COL16A1: variants seen among roughly 807,000 people sequenced by gnomAD.
COL16A1 encodes the protein collagen alpha-1(XVI) chain.
A neutral mutation model predicts 266.3 loss-of-function variants in COL16A1; 189 were observed. The ratio of observed to expected loss-of-function variants is 0.71; its 90% CI spans 0.63 to 0.80. The LOEUF (loss-of-function observed/expected upper bound fraction) is 0.80, where lower values mean the gene tolerates loss of function less well. Among genes scored for constraint, COL16A1 ranks in the 30% least tolerant of loss-of-function variants. The pLI, the probability that COL16A1 is intolerant of heterozygous loss-of-function variation, is 0.00. For missense variants in COL16A1, 1,928 were observed against 2,122.4 expected, an observed-to-expected ratio of 0.91 and a Z score of 1.80; for synonymous variants, 740 against 782.3, an observed-to-expected ratio of 0.95 and a Z score of 0.90.
chr1:31,662,312 C>T, intron 58 of COL16A1, 22 bp downstream of exon 58: 3 of 1,606,902 alleles, frequency 1.9e-6, no homozygotes, highest in Non-Finnish European at 2.5e-6. Flanking sequence ...GGGGTGCCCG[C>T]CCTCCCAGCC....
At position 31,684,132 on chromosome 1, in the gene COL16A1, C is replaced by T. The variant is rs767595872; in HGVS notation, c.2260G>A (p.Gly754Ser). ...ACGGGTTTACCAGGTCGGCCCACGC[C>T]TTCGGGGCCCTGCTCTCCTTTGGGG... ...PGPKGEQGPE[G>S]VGRPGKPGQP... The change falls in exon 32 of 71, where the codon GGC becomes AGC. Residue 754 changes from glycine to serine, a missense_variant. Physicochemically the swap from Gly to Ser is moderately conservative, Grantham distance 56 (BLOSUM62 0). Coordinates refer to ENST00000373672, the MANE Select transcript of COL16A1 (RefSeq NM_001856.4). 6 of 1,561,662 alleles carry T rather than the reference C, an allele frequency of 3.8e-6. No homozygotes were observed. The South Asian group carries it at 5.9e-5, about 15-fold the overall frequency.
At position 31,668,812 on chromosome 1, in the gene COL16A1, T is replaced by G; in HGVS notation, c.3239A>C (p.Lys1080Thr). The change falls in exon 50 of 71, where the codon AAG (lysine) becomes ACG (threonine). Residue 1080 changes from lysine (K) to threonine (T), a missense_variant. Coordinates refer to ENST00000373672, the MANE Select transcript of COL16A1 (RefSeq NM_001856.4). The surrounding 1 kb of genome is among the most constrained non-coding windows in gnomAD (Gnocchi z 5.8). ...CCAGCTTCTTCTTACCGGCTCCCCC[T>G]TGTCTCCAGTCAGGCCCGTGAGACC... The part of the protein sequence containing the change: ...ERGLTGLTGD[K>T]GEPGPPGQPG... The G allele has an allele frequency of 6.2e-7, 1 of 1,613,862 alleles. No individual in the cohort carries two copies. The highest frequency in any genetic ancestry group is 8.5e-7 in the Non-Finnish European group (1 of 1,179,942).
rs145413081 is a variant in COL16A1 at position 31,684,882 on chromosome 1, C to T, written c.2017-26G>A. 1,244 of 1,613,120 alleles carry T rather than the reference C, an allele frequency of 7.7e-4. 7 individuals carry two copies. The East Asian group carries it at 0.018, about 23-fold the overall frequency. ...CTGAGGAGAAAGCATTTCCAGCACC[C>T]GCTCACTCATACCAGCCACCCCAAA... is the stretch of plus-strand genomic sequence containing the variant. On this transcript the variant is annotated intron_variant, in intron 29 of 70. Coordinates refer to ENST00000373672, the MANE Select transcript of COL16A1 (RefSeq NM_001856.4).
Position 31,662,323 on chromosome 1 carries a change from CATCATCT to C in COL16A1, c.3681+4_3681+10del. On this transcript the variant is annotated splice_donor_5th_base_variant and intron_variant, in intron 58 of 70. Transcript: ENST00000373672. ...GGAAGGGGTGCCCGCCCTCCCAGCC[CATCATCT>C]CACCCTCAAGCCAGGCTTGCCGTCC... 1 of 1,609,386 alleles carries C rather than the reference CATCATCT, an allele frequency of 6.2e-7. No individual in the cohort carries two copies. Among genetic ancestry groups the C allele is most frequent in the Non-Finnish European group, 8.5e-7 (1 of 1,177,534 alleles).
intron 9 of COL16A1, 57 bp downstream of exon 9, chr1:31,696,031 G>A: frequency 6.7e-7 from 1 of 1,482,010 alleles, no homozygotes; most frequent in Non-Finnish European, 9.4e-7. Context: ...GGGGTTTACA[G>A]GGGCACAGAG....
At chr1:31,692,350 A>C (rs1015103961) in intron 16 of COL16A1, 124 bp downstream of exon 16, 2 of 1,427,478 alleles carry the variant, frequency 1.4e-6, no homozygotes, top group African/African-American at 1.4e-5. Flanking sequence ...TGGGGGAGGG[A>C]GGGTCCTGCC....
At chr1:31,675,099 G>A in intron 43 of COL16A1, 60 bp from the exon 44 acceptor site, 3 of 1,611,874 alleles carry the variant, frequency 1.9e-6, no homozygotes, top group Non-Finnish European at 2.5e-6. Flanking sequence ...GAGACTTATG[G>A]GATCAGGGAG....
intron 1 of COL16A1, among the ~76,000 whole-genome samples, chr1:31,702,874 C>T (rs563916049): frequency 1.6e-4 from 25 of 152,124 alleles, no homozygotes; most frequent in Non-Finnish European, 3.1e-4. Context: ...CAGCCACCCC[C>T]GCCCCCAGCT....
chr1:31,682,238 A>G (rs1270089650), intron 37 of COL16A1, among the ~76,000 whole-genome samples: 3 of 152,186 alleles, frequency 2.0e-5, no homozygotes, highest in African/African-American at 7.2e-5. Context: ...TAATCCGTGC[A>G]ATTTGTTCAA....
rs758622695 is a variant in COL16A1, at chr1:31,683,704, C to T, written c.2379+3G>A. ...ACAGGCAAAGGCAGGGCTAGAGACT[C>T]ACCTGGGGTCCCTGGACTCCCCTTC... is the stretch of plus-strand genomic sequence containing the variant. On this transcript the variant is annotated splice_donor_region_variant and intron_variant, in intron 34 of 70. Coordinates refer to ENST00000373672, the MANE Select transcript of COL16A1 (RefSeq NM_001856.4). 7 of 1,614,128 alleles carry T rather than the reference C, an allele frequency of 4.3e-6. No homozygotes were observed. The highest frequency in any genetic ancestry group is 5.9e-6 in the Non-Finnish European group (7 of 1,180,002).
At chr1:31,694,058 A>T in intron 12 of COL16A1, 86 bp downstream of exon 12, 1 of 1,326,294 alleles carries the variant, frequency 7.5e-7, no homozygotes, top group South Asian at 1.3e-5. Flanking sequence ...CCCTGATAGA[A>T]ACACACAGCC....
chr1:31,690,020 T>C lies in COL16A1; in HGVS notation c.1510-169A>G, dbSNP rs1644185795. On this transcript the variant is annotated intron_variant, in intron 22 of 70. Coordinates refer to ENST00000373672, the MANE Select transcript of COL16A1 (RefSeq NM_001856.4). Reference sequence around the variant, plus strand: ...TGGGGCTTCCTGTTCAACTGACTCATTCATTCACCACAAGATTCCAGGGTG... The same window carrying C: ...TGGGGCTTCCTGTTCAACTGACTCACTCATTCACCACAAGATTCCAGGGTG... 3 of 636,852 alleles carry C rather than the reference T, an allele frequency of 4.7e-6. No individual in the cohort carries two copies. In the African/African-American group the frequency reaches 5.5e-5, roughly 12 times the overall value. The allele number at this position is 636,852 out of a possible 1,614,324, so 39.5% of individuals were successfully genotyped here.
intron 37 of COL16A1, among the ~76,000 whole-genome samples, chr1:31,681,577 C>T (rs75724665): frequency 3.3e-5 from 5 of 152,248 alleles, no homozygotes; most frequent in African/African-American, 1.2e-4. Context: ...CCTAGGGTCA[C>T]GCCCCTAGCG....
Position 31,668,111 on chromosome 1 carries a change from G to T in COL16A1, c.3303+54C>A. On this transcript the variant is annotated intron_variant, in intron 51 of 70. Transcript: ENST00000373672. This position sits in a 1 kb window ranked among gnomAD's most constrained non-coding sequence, Gnocchi z 5.8. The stretch of plus-strand genomic sequence containing the variant: ...CAGCCTGGCTGTGTCCTGACCACCA[G>T]CCCAAACCTCTGGTACCTGGCACCC... 6.5e-7 allele frequency: 1 copy of T among 1,526,850 alleles called. No homozygotes were observed. Among genetic ancestry groups the T allele is most frequent in the Non-Finnish European group, 9.0e-7 (1 of 1,113,796 alleles). The allele number at this position is 1,526,850 out of a possible 1,614,324, so 94.6% of individuals were successfully genotyped here.
chr1:31,654,193 C>T (rs903559063), intron 68 of COL16A1, 150 bp from the exon 69 acceptor site: 15 of 1,171,562 alleles, frequency 1.3e-5, no homozygotes, highest in African/African-American at 1.2e-4. Flanking sequence ...GGGTGGGTCT[C>T]GCAAGGGGGT....
intron 46 of COL16A1, 33 bp downstream of exon 46, chr1:31,672,563 G>A (rs370857555): frequency 5.0e-6 from 8 of 1,612,154 alleles, no homozygotes; most frequent in Non-Finnish European, 6.8e-6. Context: ...GGGGCATGGG[G>A]CATGATCGGG....
At chr1:31,701,604 G>C in intron 2 of COL16A1, 1 of 981,454 alleles carries the variant, frequency 1.0e-6, no homozygotes, top group Non-Finnish European at 1.2e-6. Flanking sequence ...GGGCCTCGGG[G>C]TGGGCCTTTT....
chr1:31,654,901 C>T (rs1382013289), intron 67 of COL16A1, 43 bp from the exon 68 acceptor site: 1 of 1,611,916 alleles, frequency 6.2e-7, no homozygotes, highest in Non-Finnish European at 8.5e-7. Context: ...TACTTCCAAG[C>T]CTGGCATTTT....
chr1:31,684,410 C>G, intron 31 of COL16A1, 113 bp downstream of exon 31: 1 of 1,516,686 alleles, frequency 6.6e-7, no homozygotes, highest in Non-Finnish European at 8.8e-7. Flanking sequence ...CGCTCAGTGA[C>G]TCTGACAGCC....
Sources: allele counts gnomAD v4.1 joint callset (sites outside exome capture counted in the v4.1 genomes callset), GRCh38; gene constraint gnomAD v4.1.1; non-coding constraint Gnocchi (gnomAD v3.1); transcripts MANE v1.5; gene names NCBI Gene and HGNC (gene_info 2026-07-23, HGNC 2026-07-21).